Variants in PLCL1 observed in about 807,000 individuals in gnomAD.
PLCL1 encodes the protein phospholipase C like 1 (inactive).
PLCL1 carries 41 observed loss-of-function variants against 84.4 expected under a neutral mutation model. That is an observed-to-expected ratio of 0.49 (90% confidence interval 0.38 to 0.63). The LOEUF (loss-of-function observed/expected upper bound fraction) is 0.63. Among genes scored for constraint, PLCL1 ranks in the 30% least tolerant of loss-of-function variants. The probability of loss-of-function intolerance (pLI) is 0.00; values close to 1 mark genes in which losing one functional copy is unlikely to be tolerated. For synonymous variants in PLCL1, 490 were observed against 488.3 expected, an observed-to-expected ratio of 1.00 and a Z score of -0.05; for missense variants, 1,206 against 1,367.8, an observed-to-expected ratio of 0.88 and a Z score of 1.87.
At chr2:197,978,693 T>A (rs1690038026) in intron 1 of PLCL1, among the ~76,000 whole-genome samples, 1 of 152,216 alleles carries the variant, frequency 6.6e-6, no homozygotes, top group Non-Finnish European at 1.5e-5. Flanking sequence ...TTGTGAGTGA[T>A]CAGAGCCTAT....
intron 1 of PLCL1, among the ~76,000 whole-genome samples, chr2:197,895,276 T>C (rs1688112969): frequency 1.3e-5 from 2 of 151,960 alleles, no homozygotes; most frequent in Non-Finnish European, 2.9e-5. Flanking sequence ...GTAAACCATC[T>C]TGAGTCAGAG....
chr2:198,046,839 T>C (rs1052742911), intron 1 of PLCL1, among the ~76,000 whole-genome samples: 47 of 152,226 alleles, frequency 3.1e-4, no homozygotes, highest in Non-Finnish European at 4.6e-4. Flanking sequence ...ACCTTTTCTT[T>C]AAAAAACAAA....
At chr2:198,014,444 C>A (rs1299706735) in intron 1 of PLCL1, among the ~76,000 whole-genome samples, 1 of 152,044 alleles carries the variant, frequency 6.6e-6, no homozygotes, top group Non-Finnish European at 1.5e-5. Flanking sequence ...GGTAGGACCA[C>A]AATTTAATTG....
chr2:198,016,888 A>C (rs1691011845), intron 1 of PLCL1, among the ~76,000 whole-genome samples: 1 of 152,136 alleles, frequency 6.6e-6, no homozygotes, highest in Non-Finnish European at 1.5e-5. Flanking sequence ...TCCAGTCAGC[A>C]CTTAATGCTT....
At chr2:197,899,793 G>A (rs1688228178) in intron 1 of PLCL1, among the ~76,000 whole-genome samples, 2 of 151,524 alleles carry the variant, frequency 1.3e-5, no homozygotes, top group South Asian at 2.1e-4. Context: ...CCGCTACCAC[G>A]CCCGGCTAAT....
intron 1 of PLCL1, among the ~76,000 whole-genome samples, chr2:197,897,224 C>CTCT (rs1180832217): frequency 7.0e-6 from 1 of 143,162 alleles, no homozygotes; most frequent in South Asian, 2.2e-4. Context: ...CCTCTTCTTC[C>CTCT]TCTTCTTCTT....
chr2:197,815,495 A>C (rs988510806), intron 1 of PLCL1, among the ~76,000 whole-genome samples: 1 of 152,188 alleles, frequency 6.6e-6, no homozygotes, highest in Non-Finnish European at 1.5e-5. Context: ...CATAAGATCC[A>C]TTCTGCAGCC....
intron 5 of PLCL1, 48 bp from the exon 6 acceptor site, chr2:198,146,732 C>A (rs1313550127): frequency 2.0e-6 from 3 of 1,508,388 alleles, no homozygotes; most frequent in Admixed American, 1.7e-5. Flanking sequence ...TCAGCACATG[C>A]CTGGCCCATA....
intron 1 of PLCL1, among the ~76,000 whole-genome samples, chr2:197,913,527 A>G (rs1288875929): frequency 1.3e-5 from 2 of 152,228 alleles, no homozygotes; most frequent in Non-Finnish European, 2.9e-5. Flanking sequence ...GAGGTTAGCT[A>G]TTCCACTACG....
intron 5 of PLCL1, among the ~76,000 whole-genome samples, chr2:198,117,710 C>A (rs1333123510): frequency 2.0e-5 from 3 of 151,758 alleles, no homozygotes; most frequent in Non-Finnish European, 2.9e-5. Context: ...ACAAAGCTAG[C>A]GTATAAAGTC....
At chr2:197,853,351 G>A (rs1687274161) in intron 1 of PLCL1, among the ~76,000 whole-genome samples, 1 of 152,176 alleles carries the variant, frequency 6.6e-6, no homozygotes, top group South Asian at 2.1e-4. Flanking sequence ...ATCTGTTTGA[G>A]TTCCTGCTTT....
chr2:197,888,219 C>T (rs1687955913), intron 1 of PLCL1, among the ~76,000 whole-genome samples: 2 of 152,080 alleles, frequency 1.3e-5, no homozygotes, highest in Non-Finnish European at 2.9e-5. Flanking sequence ...TTGTATTTCT[C>T]ACCTAACTTC....
At chr2:197,979,149 A>G (rs528857928) in intron 1 of PLCL1, among the ~76,000 whole-genome samples, 1 of 152,170 alleles carries the variant, frequency 6.6e-6, no homozygotes, top group Non-Finnish European at 1.5e-5. Context: ...GAAAGCTAAT[A>G]GTATCTGTTA....
chr2:197,940,717 C>A (rs892598562), intron 1 of PLCL1, among the ~76,000 whole-genome samples: 1 of 152,176 alleles, frequency 6.6e-6, no homozygotes, highest in African/African-American at 2.4e-5. Context: ...ATTATTATTT[C>A]AATGACAAAA....
At chr2:198,122,258 A>AT (rs1402699947) in intron 5 of PLCL1, among the ~76,000 whole-genome samples, 3 of 152,096 alleles carry the variant, frequency 2.0e-5, no homozygotes, top group Non-Finnish European at 4.4e-5. Context: ...TCATAAGAGG[A>AT]TAAAAAAAAA....
intron 5 of PLCL1, among the ~76,000 whole-genome samples, chr2:198,114,043 G>C (rs1461781125): frequency 6.6e-6 from 1 of 151,724 alleles, no homozygotes; most frequent in Non-Finnish European, 1.5e-5. Flanking sequence ...ATTAGTATTA[G>C]TGTTAGATAT....
intron 1 of PLCL1, among the ~76,000 whole-genome samples, chr2:197,891,730 T>A (rs936914853): frequency 6.6e-6 from 1 of 152,166 alleles, no homozygotes; most frequent in African/African-American, 2.4e-5. Context: ...TGCTGGTTAT[T>A]TTTATCAACA....
intron 5 of PLCL1, among the ~76,000 whole-genome samples, chr2:198,107,159 C>T (rs1167410174): frequency 6.6e-6 from 1 of 151,882 alleles, no homozygotes; most frequent in Non-Finnish European, 1.5e-5. Flanking sequence ...CATATGGCAG[C>T]AGCAAGGAGA....
At chr2:197,957,535 G>A (rs910852446) in intron 1 of PLCL1, among the ~76,000 whole-genome samples, 7 of 152,046 alleles carry the variant, frequency 4.6e-5, no homozygotes, top group Non-Finnish European at 7.4e-5. Context: ...AGATATGTTA[G>A]TCTGACCTTA....
Sources: gnomAD v4.1 joint callset for allele counts (sites outside exome capture counted in the v4.1 genomes callset) on GRCh38, gnomAD v4.1.1 for gene constraint, MANE v1.5 for transcripts, NCBI Gene and HGNC (gene_info 2026-07-23, HGNC 2026-07-21) for gene names.